Variants in FNDC3B observed in about 807,000 individuals in gnomAD.
FNDC3B encodes the protein fibronectin type III domain-containing protein 3B.
In FNDC3B, 12 loss-of-function variants were observed where a neutral mutation model predicts 151.5. The observed-to-expected ratio is 0.08, with a 90% CI of 0.05 to 0.13. The LOEUF is 0.13. Among genes scored for constraint, FNDC3B ranks in the 10% least tolerant of loss-of-function variants. The pLI, the probability that FNDC3B is intolerant of heterozygous loss-of-function variation, is 1.00. For synonymous variants in FNDC3B, 528 were observed against 549.0 expected, an observed-to-expected ratio of 0.96 and a Z score of 0.54; for missense variants, 1,214 against 1,505.3, an observed-to-expected ratio of 0.81 and a Z score of 3.20.
At chr3:172,073,488 G>T (rs1484091978) in intron 1 of FNDC3B, among the ~76,000 whole-genome samples, 3 of 152,298 alleles carry the variant, frequency 2.0e-5, no homozygotes, top group Admixed American at 2.0e-4. Context: ...AGTTGCTGTG[G>T]ACTTTGACTT....
At chr3:172,251,950 C>A (rs944582590) in intron 6 of FNDC3B, among the ~76,000 whole-genome samples, 1 of 152,196 alleles carries the variant, frequency 6.6e-6, no homozygotes, top group Admixed American at 6.5e-5. Flanking sequence ...TACTTCCTTT[C>A]TGTAATGAAA....
intron 11 of FNDC3B, among the ~76,000 whole-genome samples, chr3:172,319,370 C>T (rs998019511): frequency 2.6e-5 from 4 of 152,184 alleles, no homozygotes; most frequent in East Asian, 1.9e-4. Context: ...CATTTGAAAA[C>T]AGATGAACCT....
intron 21 of FNDC3B, among the ~76,000 whole-genome samples, chr3:172,351,882 T>A (rs1041190568): frequency 6.6e-6 from 1 of 152,138 alleles, no homozygotes. Flanking sequence ...GTGTGGACAT[T>A]TGAGTTTGAG....
intron 1 of FNDC3B, among the ~76,000 whole-genome samples, chr3:172,069,095 T>A (rs1417952476): frequency 6.6e-6 from 1 of 152,204 alleles, no homozygotes. Context: ...TTCATTTAGT[T>A]ATTTAGGTCA....
intron 15 of FNDC3B, chr3:172,335,713 T>C (rs1013220993): frequency 1.3e-5 from 2 of 152,252 alleles, no homozygotes; most frequent in South Asian, 4.1e-4. Flanking sequence ...ATTATTTCAA[T>C]AAAATGAATA....
chr3:172,318,989 T>A (rs1160489529), intron 11 of FNDC3B, among the ~76,000 whole-genome samples: 1 of 148,742 alleles, frequency 6.7e-6, no homozygotes, highest in Non-Finnish European at 1.5e-5. Flanking sequence ...CCCCCTCTTT[T>A]AGGGACCTCA....
At chr3:172,307,532 C>T in intron 10 of FNDC3B, 31 bp downstream of exon 10, 1 of 1,612,766 alleles carries the variant, frequency 6.2e-7, no homozygotes, top group Non-Finnish European at 8.5e-7. Context: ...AGAATCGTCT[C>T]AATTTAAAAA....
chr3:172,321,267 C>T (rs1274921464), intron 11 of FNDC3B, among the ~76,000 whole-genome samples: 1 of 152,158 alleles, frequency 6.6e-6, no homozygotes, highest in Non-Finnish European at 1.5e-5. Context: ...CAAGAGTTCT[C>T]TAAGTTTGGG....
chr3:172,311,213 G>C (rs9866452), intron 11 of FNDC3B, among the ~76,000 whole-genome samples: 4,128 of 152,302 alleles, frequency 0.027, 175 homozygotes, highest in African/African-American at 0.083. Flanking sequence ...TGACTGCTCA[G>C]ATGATTTTGA....
intron 11 of FNDC3B, among the ~76,000 whole-genome samples, chr3:172,320,441 A>G (rs1011445103): frequency 6.6e-6 from 1 of 152,180 alleles, no homozygotes; most frequent in Non-Finnish European, 1.5e-5. Context: ...ACATCAAGAA[A>G]ACATCAGGAG....
At chr3:172,157,064 G>T (rs1178045332) in intron 3 of FNDC3B, among the ~76,000 whole-genome samples, 1 of 152,154 alleles carries the variant, frequency 6.6e-6, no homozygotes, top group Non-Finnish European at 1.5e-5. Flanking sequence ...TGTCATATAT[G>T]ATACTATTCT....
At chr3:172,074,261 A>G (rs995464791) in intron 1 of FNDC3B, among the ~76,000 whole-genome samples, 2 of 152,330 alleles carry the variant, frequency 1.3e-5, no homozygotes, top group Middle Eastern at 3.4e-3. Flanking sequence ...TGGTTCCACA[A>G]TTCCGCTAGG....
chr3:172,361,923 C>T (rs959174216), intron 22 of FNDC3B, among the ~76,000 whole-genome samples: 2 of 152,178 alleles, frequency 1.3e-5, no homozygotes, highest in South Asian at 2.1e-4. Context: ...CCTCCTGCCT[C>T]GGCTTCTCAA....
intron 25 of FNDC3B, among the ~76,000 whole-genome samples, chr3:172,385,067 G>T (rs1477776380): frequency 6.6e-6 from 1 of 151,692 alleles, no homozygotes; most frequent in Non-Finnish European, 1.5e-5. Context: ...AATTTGTACT[G>T]GTTTCTTTTT....
At chr3:172,114,728 A>T (rs1350107976) in intron 2 of FNDC3B, among the ~76,000 whole-genome samples, 1 of 152,196 alleles carries the variant, frequency 6.6e-6, no homozygotes, top group African/African-American at 2.4e-5. Context: ...TCTAAAAAGA[A>T]AACAAAAACA....
intron 4 of FNDC3B, among the ~76,000 whole-genome samples, chr3:172,244,392 ATTAAAG>A (rs1486466985): frequency 1.3e-5 from 2 of 152,126 alleles, no homozygotes; most frequent in East Asian, 1.9e-4. Flanking sequence ...AGCCATCTTT[ATTAAAG>A]AATGTTACTG....
At chr3:172,061,135 T>C (rs1310839095) in intron 1 of FNDC3B, among the ~76,000 whole-genome samples, 1 of 152,208 alleles carries the variant, frequency 6.6e-6, no homozygotes, top group South Asian at 2.1e-4. Context: ...CTGATATTTC[T>C]TTTTGCAGAG....
chr3:172,275,943 C>T (rs1199709948), intron 6 of FNDC3B, among the ~76,000 whole-genome samples: 1 of 151,906 alleles, frequency 6.6e-6, no homozygotes, highest in East Asian at 1.9e-4. Flanking sequence ...TGTTTTTCTG[C>T]TTAGTTTACT....
chr3:172,195,987 C>T (rs1472339534), intron 3 of FNDC3B, among the ~76,000 whole-genome samples: 2 of 152,178 alleles, frequency 1.3e-5, no homozygotes, highest in East Asian at 1.9e-4. Context: ...AGCATAATTT[C>T]TGGCACTTAA....
Sources: allele counts gnomAD v4.1 joint callset (sites outside exome capture counted in the v4.1 genomes callset), GRCh38; gene constraint gnomAD v4.1.1; transcripts MANE v1.5; gene names NCBI Gene and HGNC (gene_info 2026-07-23, HGNC 2026-07-21).